Variants in CNTNAP4 observed in about 807,000 individuals in gnomAD.
The protein encoded by CNTNAP4 is contactin-associated protein-like 4.
In CNTNAP4, 98 loss-of-function variants were observed where a neutral mutation model predicts 148.4. That is an observed-to-expected ratio of 0.66 (90% CI 0.56 to 0.78). The LOEUF is 0.78. Ranked by LOEUF, CNTNAP4 falls within the 30% of genes least tolerant of loss-of-function variation. CNTNAP4 has a pLI of 0.00. For missense variants in CNTNAP4, 1,935 were observed against 1,565.6 expected, an observed-to-expected ratio of 1.24 and a Z score of -3.98; for synonymous variants, 730 against 565.1, an observed-to-expected ratio of 1.29 and a Z score of -4.14.
At chr16:76,332,540 T>A (rs1224704450) in intron 2 of CNTNAP4, among the ~76,000 whole-genome samples, 1 of 151,676 alleles carries the variant, frequency 6.6e-6, no homozygotes, top group African/African-American at 2.4e-5. Context: ...CCATTATTAT[T>A]TTTTTTTATA....
intron 12 of CNTNAP4, among the ~76,000 whole-genome samples, chr16:76,483,360 T>G (rs565877321): frequency 2.6e-5 from 4 of 151,892 alleles, no homozygotes. Context: ...AAATTACTCC[T>G]GGGGGAATCA....
At chr16:76,516,219 T>C (rs1395106103) in intron 15 of CNTNAP4, among the ~76,000 whole-genome samples, 1 of 152,104 alleles carries the variant, frequency 6.6e-6, no homozygotes, top group Non-Finnish European at 1.5e-5. Flanking sequence ...TGTGTTAGTG[T>C]GCTGAGACTA....
At chr16:76,549,718 T>C (rs2084885672) in intron 21 of CNTNAP4, among the ~76,000 whole-genome samples, 1 of 152,170 alleles carries the variant, frequency 6.6e-6, no homozygotes, top group Non-Finnish European at 1.5e-5. Flanking sequence ...TCTTTTTTGC[T>C]ACTTGAATTT....
intron 2 of CNTNAP4, among the ~76,000 whole-genome samples, chr16:76,323,333 G>A (rs756745826): frequency 6.7e-6 from 1 of 149,858 alleles, no homozygotes; most frequent in Non-Finnish European, 1.5e-5. Flanking sequence ...GATTTAGTTT[G>A]TGAAGTTTAA....
At chr16:76,498,815 T>A in intron 15 of CNTNAP4, 121 bp downstream of exon 15, 1 of 1,015,342 alleles carries the variant, frequency 9.8e-7, no homozygotes, top group African/African-American at 1.6e-5. Flanking sequence ...GTGAACATTT[T>A]TTTTGTTTGT....
At position 76,553,851 on chromosome 16, in the gene CNTNAP4, T is replaced by C. The variant is rs763227942; in HGVS notation, c.3677T>C (p.Ile1226Thr). The C allele has an allele frequency of 9.9e-6, 16 of 1,611,766 alleles. No homozygotes were observed. Among genetic ancestry groups the C allele is most frequent in the Non-Finnish European group, 1.4e-5 (16 of 1,178,108 alleles). Reference protein sequence around the residue: ...THSFADHSGTIDDREPLANAI... With the variant: ...THSFADHSGTTDDREPLANAI... ...TTAACTGCAGATCATTCTGGAACAA[T>C]AGATGACAGAGAGCCCCTTGCTAAT... Residue 1226 changes from isoleucine (I) to threonine (T), a missense_variant, in exon 23 of 24, where the codon ATA becomes ACA. Transcript: ENST00000611870.
At chr16:76,494,850 T>C (rs1597728092) in intron 13 of CNTNAP4, 60 bp from the exon 14 acceptor site, 3 of 1,489,256 alleles carry the variant, frequency 2.0e-6, no homozygotes, top group South Asian at 1.2e-5. Flanking sequence ...AGGAATTATA[T>C]TGGGAGAGAA....
chr16:76,443,850 A>T (rs17699551), intron 4 of CNTNAP4, among the ~76,000 whole-genome samples: 22,116 of 152,118 alleles, frequency 0.15, 1,808 homozygotes, highest in East Asian at 0.36. Flanking sequence ...GAGCTCAAAT[A>T]TCTGAGAATC....
chr16:76,382,019 C>T (rs1321629111), intron 3 of CNTNAP4, among the ~76,000 whole-genome samples: 1 of 140,830 alleles, frequency 7.1e-6, no homozygotes, highest in African/African-American at 2.6e-5. Context: ...TGAGATCGCG[C>T]CACTGCGCTC....
At chr16:76,368,415 G>T (rs1442587040) in intron 3 of CNTNAP4, among the ~76,000 whole-genome samples, 1 of 152,114 alleles carries the variant, frequency 6.6e-6, no homozygotes, top group Non-Finnish European at 1.5e-5. Flanking sequence ...GCAAAGACTT[G>T]GAACCAACCC....
chr16:76,494,862 G>T, intron 13 of CNTNAP4, 48 bp from the exon 14 acceptor site: 1 of 1,561,398 alleles, frequency 6.4e-7, no homozygotes, highest in South Asian at 1.1e-5. Flanking sequence ...GGGAGAGAAG[G>T]TGGTGGAACA....
At chr16:76,322,037 A>G (rs376177146) in intron 2 of CNTNAP4, among the ~76,000 whole-genome samples, 16 of 152,172 alleles carry the variant, frequency 1.1e-4, no homozygotes, top group African/African-American at 3.9e-4. Context: ...TGCACTGGAG[A>G]TGCCCTGTAC....
intron 1 of CNTNAP4, among the ~76,000 whole-genome samples, chr16:76,313,679 C>A (rs577446718): frequency 3.3e-5 from 5 of 152,036 alleles, no homozygotes; most frequent in Non-Finnish European, 5.9e-5. Context: ...TGAATGAAAA[C>A]GAGACAATCT....
intron 1 of CNTNAP4, among the ~76,000 whole-genome samples, chr16:76,299,877 C>G (rs1959756778): frequency 6.6e-6 from 1 of 152,004 alleles, no homozygotes; most frequent in Non-Finnish European, 1.5e-5. Context: ...CCATCATTAT[C>G]AGCAAACTAT....
intron 17 of CNTNAP4, among the ~76,000 whole-genome samples, chr16:76,527,013 T>C (rs2083763573): frequency 6.6e-6 from 1 of 152,134 alleles, no homozygotes; most frequent in African/African-American, 2.4e-5. Flanking sequence ...TCTTGTTTTC[T>C]CCCTTCATCT....
At chr16:76,504,129 G>C (rs2340436) in intron 15 of CNTNAP4, among the ~76,000 whole-genome samples, 90,986 of 151,742 alleles carry the variant, frequency 0.6, 28,430 homozygotes, top group East Asian at 0.78. Flanking sequence ...TGCAAAGAAA[G>C]TAGAATAGCA....
intron 1 of CNTNAP4, 185 bp from the exon 2 acceptor site, chr16:76,316,223 CTTTAA>C: frequency 1.6e-6 from 1 of 620,080 alleles, no homozygotes; most frequent in South Asian, 2.0e-5. Context: ...ATTCTCCTGT[CTTTAA>C]GTTTTTTCTT....
chr16:76,448,980 G>T, intron 6 of CNTNAP4, 29 bp downstream of exon 6: 2 of 1,589,288 alleles, frequency 1.3e-6, no homozygotes, highest in East Asian at 2.2e-5. Context: ...AATTAATGCT[G>T]ATTTTATTAT....
chr16:76,532,660 T>C (rs2084036438), intron 17 of CNTNAP4, among the ~76,000 whole-genome samples: 1 of 152,166 alleles, frequency 6.6e-6, no homozygotes, highest in Non-Finnish European at 1.5e-5. Context: ...ACACCTTTAA[T>C]TCAGAGTTCA....
Sources: gnomAD v4.1 joint callset for allele counts (sites outside exome capture counted in the v4.1 genomes callset) on GRCh38, gnomAD v4.1.1 for gene constraint, MANE v1.5 for transcripts, NCBI Gene and HGNC (gene_info 2026-07-23, HGNC 2026-07-21) for gene names.